Variants in CAMK2D observed in about 807,000 individuals in gnomAD.
The protein encoded by CAMK2D is calcium/calmodulin dependent protein kinase II delta, also known as calcium/calmodulin-dependent protein kinase type II subunit delta.
CAMK2D carries 37 observed loss-of-function variants against 84.0 expected under a neutral mutation model. That is an observed-to-expected ratio of 0.44 (90% CI 0.34 to 0.58). The LOEUF (loss-of-function observed/expected upper bound fraction) is 0.58, where lower values mean the gene tolerates loss of function less well. Ranked by LOEUF, CAMK2D falls within the 20% of genes least tolerant of loss-of-function variation. The pLI is 0.02. For synonymous variants in CAMK2D, 202 were observed against 212.5 expected, an observed-to-expected ratio of 0.95 and a Z score of 0.43; for missense variants, 448 against 652.5, an observed-to-expected ratio of 0.69 and a Z score of 3.41.
At chr4:113,547,770 T>C (rs2098593990) in intron 5 of CAMK2D, 54 bp from the exon 6 acceptor site, 2 of 1,168,418 alleles carry the variant, frequency 1.7e-6, no homozygotes, top group Non-Finnish European at 2.4e-6. Context: ...ACTCACTGTC[T>C]GTATACCCTC....
intron 2 of CAMK2D, among the ~76,000 whole-genome samples, chr4:113,667,373 A>ACAATAGAGAAATAGATTATAT (rs1169788368): frequency 2.0e-5 from 3 of 152,164 alleles, no homozygotes; most frequent in Non-Finnish European, 4.4e-5. Flanking sequence ...AGAAAACAAA[A>ACAATAGAGAAATAGATTATAT]GCTTAAAAAT....
chr4:113,670,491 CCAATTATA>C (rs943842703), intron 2 of CAMK2D, among the ~76,000 whole-genome samples: 4 of 151,560 alleles, frequency 2.6e-5, no homozygotes, highest in African/African-American at 9.7e-5. Flanking sequence ...TAAAATTATT[CCAATTATA>C]CTATTATAGA....
At chr4:113,649,515 C>T (rs978119745) in intron 3 of CAMK2D, among the ~76,000 whole-genome samples, 1 of 152,064 alleles carries the variant, frequency 6.6e-6, no homozygotes, top group Non-Finnish European at 1.5e-5. Context: ...CAGTCCAATC[C>T]CTACAACTTT....
chr4:113,577,522 CA>C (rs1474501010), intron 4 of CAMK2D, among the ~76,000 whole-genome samples: 2 of 152,144 alleles, frequency 1.3e-5, no homozygotes, highest in African/African-American at 4.8e-5. Flanking sequence ...ATTACATAAT[CA>C]GTACTGTTTA....
At chr4:113,635,675 T>C (rs928810083) in intron 3 of CAMK2D, among the ~76,000 whole-genome samples, 5 of 152,216 alleles carry the variant, frequency 3.3e-5, no homozygotes, top group Admixed American at 6.5e-5. Context: ...GGGCATAATG[T>C]GAATTAGGGA....
chr4:113,500,589 T>C (rs1179988438), intron 15 of CAMK2D, 78 bp from the exon 16 acceptor site: 1 of 884,370 alleles, frequency 1.1e-6, no homozygotes, highest in East Asian at 2.5e-5. Context: ...GCTAGTGACA[T>C]ACATATCATG....
At chr4:113,678,621 C>A (rs933980117) in intron 2 of CAMK2D, among the ~76,000 whole-genome samples, 2 of 152,066 alleles carry the variant, frequency 1.3e-5, no homozygotes, top group Non-Finnish European at 2.9e-5. Context: ...CGGGAACATA[C>A]AAAATCCTCT....
chr4:113,626,340 C>T (rs2099068269), intron 3 of CAMK2D, among the ~76,000 whole-genome samples: 1 of 152,124 alleles, frequency 6.6e-6, no homozygotes, highest in Non-Finnish European at 1.5e-5. Flanking sequence ...CCTGAATATA[C>T]CACTTTAAAA....
At chr4:113,741,318 G>A (rs183560579) in intron 2 of CAMK2D, among the ~76,000 whole-genome samples, 5 of 152,148 alleles carry the variant, frequency 3.3e-5, no homozygotes, top group African/African-American at 9.6e-5. Flanking sequence ...AAATTGTGAA[G>A]AAGGAGAAAG....
chr4:113,457,077 T>A, intron 19 of CAMK2D: 1 of 711,374 alleles, frequency 1.4e-6, no homozygotes, highest in Non-Finnish European at 2.0e-6. Context: ...TTTAACCCTG[T>A]GAGATTTTGA....
At position 113,451,217 on chromosome 4, in the gene CAMK2D, T is replaced by A. The variant is rs568898603; in HGVS notation, c.*3328A>T. The stretch of plus-strand genomic sequence containing the variant: ...TTCATTTTTCCTACATTCAGCTAGA[T>A]GACCACTTCATTTGGTGTCTCTCAG... On this transcript the variant is annotated 3_prime_UTR_variant, in exon 21 of 21. Transcript: ENST00000511664. 6.6e-6 allele frequency: 1 copy of A among 152,340 alleles called. No homozygotes were observed. The highest frequency in any genetic ancestry group is 2.1e-4 in the South Asian group (1 of 4,828). The allele number at this position is 152,340 out of a possible 1,614,324, so 9.4% of individuals were successfully genotyped here. A position where few individuals can be genotyped will look rare whatever the true frequency, so the allele number is the denominator to read the frequency against.
rs143654780 is a variant in CAMK2D, at chr4:113,462,266, A to ATGTGTGTGTGTG, written c.1212-2037_1212-2026dup. Among the ~76,000 whole-genome samples the ATGTGTGTGTGTG allele has an allele frequency of 4.1e-3, 454 of 109,536 alleles. 4 individuals carry two copies. Among genetic ancestry groups the ATGTGTGTGTGTG allele is most frequent in the African/African-American group, 0.016 (393 of 25,064 alleles). 71.9% of individuals were successfully genotyped at this position (109,536 alleles called of 152,430 possible). ...TGAAAAAGAGTCAGTATATTTGGAA[A>ATGTGTGTGTGTG]TGTGTGTGTGTGTGTGTGTGTGTGT... On this transcript the variant is annotated intron_variant, in intron 17 of 20. Transcript: ENST00000511664.
At chr4:113,630,704 C>T (rs1592202769) in intron 3 of CAMK2D, among the ~76,000 whole-genome samples, 1 of 152,130 alleles carries the variant, frequency 6.6e-6, no homozygotes, top group East Asian at 1.9e-4. Context: ...CCACCACATT[C>T]ACTGAGAAAA....
chr4:113,482,329 T>TG (rs2154129915), intron 16 of CAMK2D, among the ~76,000 whole-genome samples: 1 of 152,188 alleles, frequency 6.6e-6, no homozygotes, highest in African/African-American at 2.4e-5. Flanking sequence ...AGACCGCATG[T>TG]GGGGTATAAG....
At chr4:113,678,158 G>A (rs75197617) in intron 2 of CAMK2D, among the ~76,000 whole-genome samples, 14 of 152,184 alleles carry the variant, frequency 9.2e-5, no homozygotes, top group African/African-American at 3.1e-4. Flanking sequence ...CTCAAGCCCC[G>A]TTTTTAATAA....
At chr4:113,686,383 C>A (rs955824788) in intron 2 of CAMK2D, among the ~76,000 whole-genome samples, 2 of 152,094 alleles carry the variant, frequency 1.3e-5, no homozygotes, top group Admixed American at 1.3e-4. Flanking sequence ...CAGGGACATA[C>A]CTATATTCCC....
At chr4:113,653,874 G>A (rs536506145) in intron 3 of CAMK2D, among the ~76,000 whole-genome samples, 3 of 152,080 alleles carry the variant, frequency 2.0e-5, no homozygotes, top group Admixed American at 6.5e-5. Context: ...TGCATGCAGA[G>A]AAGGATAAAA....
At chr4:113,722,254 T>C (rs2099532802) in intron 2 of CAMK2D, among the ~76,000 whole-genome samples, 1 of 152,200 alleles carries the variant, frequency 6.6e-6, no homozygotes, top group Non-Finnish European at 1.5e-5. Context: ...GTCTTCATGA[T>C]GCCAAATAAC....
intron 4 of CAMK2D, among the ~76,000 whole-genome samples, chr4:113,577,756 ATT>A (rs36039505): frequency 3.9e-4 from 57 of 148,006 alleles, no homozygotes; most frequent in East Asian, 1.0e-3. Flanking sequence ...TTCGTATACT[ATT>A]TTTTTTTTTT....
Sources: allele counts gnomAD v4.1 joint callset (sites outside exome capture counted in the v4.1 genomes callset), GRCh38; gene constraint gnomAD v4.1.1; transcripts MANE v1.5; gene names NCBI Gene and HGNC (gene_info 2026-07-23, HGNC 2026-07-21).